The following CLASP2 variants were observed in gnomAD, a reference collection of about 807,000 sequenced individuals.
CLASP2 encodes the protein CLIP-associating protein 2.
A neutral mutation model predicts 194.4 loss-of-function variants in CLASP2; 47 were observed. The ratio of observed to expected loss-of-function variants is 0.24; its 90% confidence interval spans 0.19 to 0.31. CLASP2 has a LOEUF of 0.31. Ranked by LOEUF, CLASP2 falls within the 10% of genes least tolerant of loss-of-function variation. CLASP2 has a pLI of 1.00. For synonymous variants in CLASP2, 619 were observed against 633.5 expected (o/e 0.98, Z 0.34); for missense variants, 1,445 against 1,823.6 (o/e 0.79, Z 3.78).
intron 32 of CLASP2, among the ~76,000 whole-genome samples, chr3:33,541,065 T>C (rs1228835315): frequency 6.6e-6 from 1 of 152,142 alleles, no homozygotes; most frequent in African/African-American, 2.4e-5. Context: ...GAATGAATTA[T>C]TGTGGAAGAT....
At chr3:33,709,097 T>G (rs1474172375) in intron 1 of CLASP2, among the ~76,000 whole-genome samples, 1 of 152,192 alleles carries the variant, frequency 6.6e-6, no homozygotes, top group East Asian at 1.9e-4. Flanking sequence ...TCCAGAAAAC[T>G]TTGTAGTCTG....
In CLASP2 at chr3:33,568,923, G is replaced by A. The variant is rs1196131956; in HGVS notation, c.2763+1804C>T. On this transcript the variant is annotated intron_variant, in intron 26 of 38. Coordinates refer to ENST00000682230, the MANE Select transcript of CLASP2 (RefSeq NM_001365631.1). ...GCAAAAACTCAAACATTTTTAACTC[G>A]GCACAGGATGGTGACATGTCTAGTA... Among the ~76,000 whole-genome samples the A allele has an allele frequency of 4.6e-5, 7 of 152,038 alleles. No individual in the cohort carries two copies. In the East Asian group the frequency reaches 7.7e-4, roughly 17 times the overall value.
At chr3:33,587,857 G>A (rs957546102) in intron 21 of CLASP2, among the ~76,000 whole-genome samples, 3 of 152,076 alleles carry the variant, frequency 2.0e-5, no homozygotes, top group African/African-American at 4.8e-5. Flanking sequence ...GGGAAAACTC[G>A]CAACAATATA....
At chr3:33,536,459 C>G (rs1490342934) in intron 33 of CLASP2, among the ~76,000 whole-genome samples, 1 of 152,132 alleles carries the variant, frequency 6.6e-6, no homozygotes, top group Non-Finnish European at 1.5e-5. Context: ...GTAGAGAAAA[C>G]AGCCAATACA....
At chr3:33,626,750 G>A (rs893517818) in intron 10 of CLASP2, among the ~76,000 whole-genome samples, 11 of 148,598 alleles carry the variant, frequency 7.4e-5, no homozygotes, top group Non-Finnish European at 1.3e-4. Flanking sequence ...AACAGCACAC[G>A]TGGTGAGGCT....
In CLASP2 at chr3:33,555,673, T is replaced by C. The variant is rs529483544; in HGVS notation, c.3009+3634A>G. Among the ~76,000 whole-genome samples, 222 of 152,286 alleles carry C rather than the reference T, an allele frequency of 1.5e-3. 2 individuals are homozygous for C. Among genetic ancestry groups the C allele is most frequent in the African/African-American group, 5.1e-3 (213 of 41,564 alleles). On this transcript the variant is annotated intron_variant, in intron 29 of 38. Transcript: ENST00000682230. ...ATAAGCCACCATTCCCTGGCCAATA[T>C]TCTGAATTCCTAAAGCAATGTCATC... is the stretch of plus-strand genomic sequence containing the variant.
At chr3:33,541,625 A>G (rs2058381732) in intron 32 of CLASP2, among the ~76,000 whole-genome samples, 2 of 152,160 alleles carry the variant, frequency 1.3e-5, no homozygotes, top group South Asian at 2.1e-4. Context: ...GCTAAGGATA[A>G]CAGTCTCCAG....
intron 7 of CLASP2, among the ~76,000 whole-genome samples, chr3:33,651,657 C>CTTTTT (rs1213189049): frequency 8.4e-6 from 1 of 119,626 alleles, no homozygotes; most frequent in African/African-American, 3.2e-5. Context: ...TTCCACCTCA[C>CTTTTT]TTTTTTTTTT....
chr3:33,518,113 T>C (rs1472920864), intron 34 of CLASP2, among the ~76,000 whole-genome samples: 2 of 152,216 alleles, frequency 1.3e-5, no homozygotes, highest in East Asian at 3.8e-4. Context: ...TATCCTGAAA[T>C]ACAGTTTTAT....
intron 34 of CLASP2, among the ~76,000 whole-genome samples, chr3:33,527,644 A>G (rs74512587): frequency 1.3e-5 from 2 of 152,182 alleles, no homozygotes; most frequent in Non-Finnish European, 2.9e-5. Flanking sequence ...ATGATACCAA[A>G]ACCTGGCAGA....
Position 33,635,396 on chromosome 3 carries a change from G to T in CLASP2, c.863-3025C>A, listed in dbSNP as rs545984150. Among the ~76,000 whole-genome samples, 35 of 152,294 alleles carry T rather than the reference G, an allele frequency of 2.3e-4. No individual in the cohort carries two copies. The South Asian group carries it at 5.8e-3, about 25-fold the overall frequency. On this transcript the variant is annotated intron_variant, in intron 8 of 38. Coordinates refer to ENST00000682230, the MANE Select transcript of CLASP2 (RefSeq NM_001365631.1). ...CAATAATAATCAAGCTTCCAAAAAG[G>T]TTTCTTGTGGAACTTGTCAAGCGGA...
At chr3:33,521,208 A>G (rs2052984004) in intron 34 of CLASP2, among the ~76,000 whole-genome samples, 1 of 152,188 alleles carries the variant, frequency 6.6e-6, no homozygotes, top group Non-Finnish European at 1.5e-5. Flanking sequence ...TCTCAAATAA[A>G]TTTTCTAGAA....
At chr3:33,643,994 G>A (rs1162104069) in intron 8 of CLASP2, among the ~76,000 whole-genome samples, 1 of 152,050 alleles carries the variant, frequency 6.6e-6, no homozygotes, top group Admixed American at 6.5e-5. Flanking sequence ...AAGGAAAAGA[G>A]AAAGAGATTA....
intron 34 of CLASP2, among the ~76,000 whole-genome samples, chr3:33,530,823 A>G (rs1240293578): frequency 1.3e-5 from 2 of 152,244 alleles, no homozygotes; most frequent in African/African-American, 2.4e-5. Flanking sequence ...TGAAAGAAAT[A>G]TAAAAGAAAA....
intron 18 of CLASP2, among the ~76,000 whole-genome samples, chr3:33,598,767 G>A (rs988852281): frequency 6.6e-6 from 1 of 152,098 alleles, no homozygotes; most frequent in African/African-American, 2.4e-5. Context: ...TGACCTCATT[G>A]AAACTATATT....
At chr3:33,574,291 AC>A (rs1490916849) in intron 24 of CLASP2, among the ~76,000 whole-genome samples, 1 of 152,114 alleles carries the variant, frequency 6.6e-6, no homozygotes, top group Non-Finnish European at 1.5e-5. Context: ...AAGAATGAGC[AC>A]CTCCAGAGGA....
chr3:33,540,514 T>C (rs923132045), intron 32 of CLASP2, among the ~76,000 whole-genome samples: 1 of 152,064 alleles, frequency 6.6e-6, no homozygotes, highest in African/African-American at 2.4e-5. Flanking sequence ...AGTGCTAGGA[T>C]TGCAAGTGTG....
intron 37 of CLASP2, among the ~76,000 whole-genome samples, chr3:33,506,570 A>G (rs551306491): frequency 5.5e-4 from 83 of 152,014 alleles, no homozygotes; most frequent in African/African-American, 2.0e-3. Flanking sequence ...ATTTTTTGCC[A>G]GCTCAATGGT....
intron 9 of CLASP2, among the ~76,000 whole-genome samples, chr3:33,631,569 C>T (rs1039687822): frequency 2.6e-5 from 4 of 152,020 alleles, no homozygotes; most frequent in East Asian, 1.9e-4. Flanking sequence ...TGGTGCAGGG[C>T]GCCTGTAATC....
Sources: gnomAD v4.1 joint callset for allele counts (sites outside exome capture counted in the v4.1 genomes callset) on GRCh38, gnomAD v4.1.1 for gene constraint, MANE v1.5 for transcripts, NCBI Gene and HGNC (gene_info 2026-07-23, HGNC 2026-07-21) for gene names.